The following EIF2B3 variants were observed in gnomAD, a reference collection of about 807,000 sequenced individuals.
The protein encoded by EIF2B3 is eukaryotic translation initiation factor 2B subunit gamma.
In EIF2B3, 20 loss-of-function variants were observed where a neutral mutation model predicts 54.1. The ratio of observed to expected loss-of-function variants is 0.37; its 90% confidence interval spans 0.26 to 0.54. The LOEUF (loss-of-function observed/expected upper bound fraction) is 0.54. EIF2B3 is among the 20% of genes least tolerant of loss of function. EIF2B3 has a pLI of 0.86. For missense variants in EIF2B3, 448 were observed against 547.8 expected, an observed-to-expected ratio of 0.82 and a Z score of 1.82; for synonymous variants, 153 against 188.1, an observed-to-expected ratio of 0.81 and a Z score of 1.52.
At chr1:44,943,217 T>C (rs949738727) in intron 3 of EIF2B3, among the ~76,000 whole-genome samples, 1 of 151,628 alleles carries the variant, frequency 6.6e-6, no homozygotes, top group Non-Finnish European at 1.5e-5. Flanking sequence ...GGTCTCACTA[T>C]GTTTCTCACT....
chr1:44,953,200 G>A (rs890341124), intron 3 of EIF2B3, among the ~76,000 whole-genome samples: 1 of 148,762 alleles, frequency 6.7e-6, no homozygotes, highest in African/African-American at 2.5e-5. Context: ...TTATAAGCTG[G>A]GCAAGGAAGC....
chr1:44,952,798 C>T (rs928788547), intron 3 of EIF2B3, among the ~76,000 whole-genome samples: 11 of 151,112 alleles, frequency 7.3e-5, no homozygotes, highest in Non-Finnish European at 1.2e-4. Context: ...GTGATCCGCC[C>T]GCCTCGGCCT....
chr1:44,976,501 G>C (rs906428057), intron 3 of EIF2B3, among the ~76,000 whole-genome samples: 1 of 152,200 alleles, frequency 6.6e-6, no homozygotes, highest in Non-Finnish European at 1.5e-5. Context: ...AACTGTTGAT[G>C]AAAGTATAAA....
chr1:44,926,855 G>C, intron 4 of EIF2B3, 116 bp from the exon 5 acceptor site: 1 of 917,010 alleles, frequency 1.1e-6, no homozygotes, highest in Admixed American at 2.0e-5. Flanking sequence ...GGATTGAAGG[G>C]TGGGTGCAGT....
intron 5 of EIF2B3, among the ~76,000 whole-genome samples, chr1:44,903,266 C>T (rs1643350110): frequency 6.6e-6 from 1 of 152,148 alleles, no homozygotes; most frequent in Admixed American, 6.5e-5. Flanking sequence ...TTTACATGTC[C>T]AAAGCTCTTA....
chr1:44,903,564 G>C (rs147504973), intron 5 of EIF2B3, among the ~76,000 whole-genome samples: 1 of 152,338 alleles, frequency 6.6e-6, no homozygotes, highest in East Asian at 1.9e-4. Flanking sequence ...GTTCCTAGAA[G>C]GGTGGGTAGA....
intron 10 of EIF2B3, among the ~76,000 whole-genome samples, chr1:44,862,398 G>A (rs745693692): frequency 2.6e-5 from 4 of 152,158 alleles, no homozygotes. Context: ...GAGAAAAACA[G>A]AGTACTACAG....
chr1:44,960,643 A>T (rs1435542016), intron 3 of EIF2B3, among the ~76,000 whole-genome samples: 1 of 152,196 alleles, frequency 6.6e-6, no homozygotes, highest in Non-Finnish European at 1.5e-5. Context: ...GTCTCAAAAA[A>T]AAAAGACAAA....
intron 3 of EIF2B3, among the ~76,000 whole-genome samples, chr1:44,966,330 T>C (rs79158285): frequency 0.065 from 9,769 of 151,062 alleles, 402 homozygotes; most frequent in Non-Finnish European, 0.097. Context: ...TCCCAGCTAC[T>C]TGGGAGGCTG....
At chr1:44,941,874 C>T (rs531859162) in intron 3 of EIF2B3, among the ~76,000 whole-genome samples, 1 of 152,274 alleles carries the variant, frequency 6.6e-6, no homozygotes, top group South Asian at 2.1e-4. Context: ...CCCTTGTGTA[C>T]CTCAGGAACT....
intron 10 of EIF2B3, among the ~76,000 whole-genome samples, chr1:44,867,583 C>CT (rs1234723689): frequency 6.6e-6 from 1 of 152,038 alleles, no homozygotes; most frequent in Non-Finnish European, 1.5e-5. Flanking sequence ...TTAGCCAAGA[C>CT]ATAATAGCAG....
chr1:44,889,638 C>T (rs116514751), intron 6 of EIF2B3, among the ~76,000 whole-genome samples: 11,171 of 151,826 alleles, frequency 0.074, 1,414 homozygotes, highest in African/African-American at 0.26. Flanking sequence ...TTTGTTCCAG[C>T]GATTCTCAGC....
chr1:44,954,815 A>C (rs1203816574), intron 3 of EIF2B3, among the ~76,000 whole-genome samples: 1 of 152,126 alleles, frequency 6.6e-6, no homozygotes, highest in Non-Finnish European at 1.5e-5. Context: ...TTTCAAAGGG[A>C]ATGCTTCCAG....
chr1:44,907,008 C>T (rs781225537), intron 5 of EIF2B3, among the ~76,000 whole-genome samples: 1 of 152,188 alleles, frequency 6.6e-6, no homozygotes, highest in African/African-American at 2.4e-5. Flanking sequence ...GACACCACTA[C>T]ACTTCTCAAC....
At chr1:44,858,533 G>C (rs950896182) in intron 10 of EIF2B3, among the ~76,000 whole-genome samples, 1 of 151,854 alleles carries the variant, frequency 6.6e-6, no homozygotes, top group Non-Finnish European at 1.5e-5. Flanking sequence ...GTAGTGGCAC[G>C]ATCTTGGCTC....
At chr1:44,936,727 T>G (rs1643952284) in intron 4 of EIF2B3, among the ~76,000 whole-genome samples, 1 of 152,224 alleles carries the variant, frequency 6.6e-6, no homozygotes, top group Admixed American at 6.5e-5. Context: ...TTTAAAGTAC[T>G]GCCATTTTAC....
intron 6 of EIF2B3, among the ~76,000 whole-genome samples, chr1:44,895,590 A>T: frequency 6.6e-6 from 1 of 152,014 alleles, no homozygotes; most frequent in East Asian, 1.9e-4. Flanking sequence ...TTATCCTGGA[A>T]GCGTCCTTAT....
intron 6 of EIF2B3, among the ~76,000 whole-genome samples, chr1:44,892,486 G>C (rs573683266): frequency 1.3e-5 from 2 of 151,988 alleles, no homozygotes; most frequent in African/African-American, 4.8e-5. Context: ...AGGCTGAGGA[G>C]GGAGGATCAC....
intron 11 of EIF2B3, among the ~76,000 whole-genome samples, chr1:44,857,463 G>A (rs1404815693): frequency 5.3e-5 from 8 of 151,984 alleles, no homozygotes; most frequent in African/African-American, 1.4e-4. Context: ...CCCGGGAGGC[G>A]GAGGTTTCAG....
Sources: gnomAD v4.1 joint callset for allele counts (sites outside exome capture counted in the v4.1 genomes callset) on GRCh38, gnomAD v4.1.1 for gene constraint, MANE v1.5 for transcripts, NCBI Gene and HGNC (gene_info 2026-07-23, HGNC 2026-07-21) for gene names.